Variants in VPS26C observed in about 807,000 individuals in gnomAD.
The protein encoded by VPS26C is VPS26 endosomal protein sorting factor C, also known as vacuolar protein sorting-associated protein 26C.
In VPS26C, 19 loss-of-function variants were observed where a neutral mutation model predicts 30.6. The observed-to-expected ratio is 0.62, with a 90% confidence interval of 0.43 to 0.91. VPS26C has a LOEUF of 0.91. Among genes scored for constraint, VPS26C ranks in the 40% least tolerant of loss-of-function variants. The probability of loss-of-function intolerance (pLI) is 0.00; values close to 1 mark genes in which losing one functional copy is unlikely to be tolerated. For synonymous variants in VPS26C, 132 were observed against 151.5 expected (o/e 0.87, Z 0.95); for missense variants, 318 against 385.1 (o/e 0.83, Z 1.46).
At chr21:37,267,645 G>A, upstream of VPS26C, 1 of 305,784 alleles carries the variant, frequency 3.3e-6, no homozygotes, top group African/African-American at 2.2e-5. Context: ...AGGGAGGAAC[G>A]GCTCTCCCCG....
At chr21:37,234,083 G>GC (rs1289288052) in intron 3 of VPS26C, among the ~76,000 whole-genome samples, 6 of 152,226 alleles carry the variant, frequency 3.9e-5, no homozygotes, top group Non-Finnish European at 8.8e-5. Context: ...GCATAGCACT[G>GC]CCCTGGGCAC....
chr21:37,265,276 C>T (rs9917520), intron 1 of VPS26C, among the ~76,000 whole-genome samples: 51,278 of 152,048 alleles, frequency 0.34, 9,117 homozygotes, highest in East Asian at 0.51. Flanking sequence ...GGGTAAATTT[C>T]GTATTTTAAA....
At chr21:37,248,829 T>C (rs1325222762) in intron 1 of VPS26C, among the ~76,000 whole-genome samples, 1 of 151,496 alleles carries the variant, frequency 6.6e-6, no homozygotes, top group African/African-American at 2.4e-5. Flanking sequence ...CATTTGTAAA[T>C]ACCAGTGCAA....
At chr21:37,264,189 A>G (rs549745333) in intron 1 of VPS26C, among the ~76,000 whole-genome samples, 46 of 152,124 alleles carry the variant, frequency 3.0e-4, no homozygotes, top group Non-Finnish European at 4.3e-4. Flanking sequence ...CATAGCAACC[A>G]TCTATTTGGA....
chr21:37,259,310 C>T (rs745787484), intron 1 of VPS26C, among the ~76,000 whole-genome samples: 2 of 151,362 alleles, frequency 1.3e-5, no homozygotes, highest in Non-Finnish European at 2.9e-5. Context: ...TAAGAAATTA[C>T]GGGCATGCCC....
intron 3 of VPS26C, among the ~76,000 whole-genome samples, chr21:37,236,870 G>C (rs2086030586): frequency 6.6e-6 from 1 of 152,198 alleles, no homozygotes; most frequent in African/African-American, 2.4e-5. Flanking sequence ...CCCACCACCT[G>C]TTAACTCTCC....
At position 37,267,284 on chromosome 21, in the gene VPS26C, G is replaced by A; in HGVS notation, c.11C>T (p.Ala4Val). 6.2e-7 allele frequency: 1 copy of A among 1,612,524 alleles called. No individual in the cohort carries two copies. The highest frequency in any genetic ancestry group is 8.5e-7 in the Non-Finnish European group (1 of 1,179,428). The change falls in exon 1 of 8, where the codon GCC becomes GTC. Residue 4 changes from alanine to valine, a missense_variant. Transcript: ENST00000309117. ...CGCTCTTTTAATCTTGATGTCCAGG[G>A]CGGTCCCCATCTCCAATTCTCCGCA... MGT[A>V]LDIKIKRANK... is the part of the protein sequence containing the mutation.
intron 3 of VPS26C, among the ~76,000 whole-genome samples, chr21:37,236,979 C>T (rs1351374827): frequency 1.3e-5 from 2 of 152,192 alleles, no homozygotes; most frequent in Non-Finnish European, 2.9e-5. Context: ...TGAGATCTTG[C>T]GTTGTTGCCC....
At chr21:37,235,561 C>T (rs1030099464) in intron 3 of VPS26C, among the ~76,000 whole-genome samples, 2 of 152,152 alleles carry the variant, frequency 1.3e-5, no homozygotes, top group Non-Finnish European at 2.9e-5. Flanking sequence ...ATAGGATAAA[C>T]GCTTGCTAGC....
At chr21:37,252,533 G>T (rs2086203908) in intron 1 of VPS26C, among the ~76,000 whole-genome samples, 1 of 152,100 alleles carries the variant, frequency 6.6e-6, no homozygotes. Flanking sequence ...TCCTGGTACA[G>T]AAACAAACAA....
intron 1 of VPS26C, among the ~76,000 whole-genome samples, chr21:37,264,378 CTG>C (rs1363028608): frequency 6.6e-6 from 1 of 152,202 alleles, no homozygotes; most frequent in Admixed American, 6.5e-5. Context: ...GTCTTCAACT[CTG>C]TGACCCGCAG....
chr21:37,247,633 A>G (rs1279081344), intron 1 of VPS26C, among the ~76,000 whole-genome samples: 1 of 152,236 alleles, frequency 6.6e-6, no homozygotes, highest in Non-Finnish European at 1.5e-5. Flanking sequence ...GAGCCAAATT[A>G]ATGCCTATTC....
At chr21:37,229,536 A>C (rs2085940279) in intron 5 of VPS26C, 1 of 152,238 alleles carries the variant, frequency 6.6e-6, no homozygotes, top group Non-Finnish European at 1.5e-5. Context: ...CCACATATAT[A>C]ATTTGGAATT....
intron 2 of VPS26C, 76 bp from the exon 3 acceptor site, chr21:37,238,685 G>A (rs1379751008): frequency 2.6e-6 from 4 of 1,557,028 alleles, no homozygotes; most frequent in Non-Finnish European, 3.5e-6. Context: ...ACGTTCTGAA[G>A]GACACAGCAC....
At chr21:37,236,516 G>T (rs960650140) in intron 3 of VPS26C, among the ~76,000 whole-genome samples, 1 of 152,192 alleles carries the variant, frequency 6.6e-6, no homozygotes, top group Non-Finnish European at 1.5e-5. Context: ...AATGTTAACT[G>T]TAATTATAGA....
chr21:37,230,130 G>T (rs2085946349), intron 5 of VPS26C, among the ~76,000 whole-genome samples: 1 of 152,232 alleles, frequency 6.6e-6, no homozygotes, highest in South Asian at 2.1e-4. Context: ...GCCTCCCAAA[G>T]TGGTGGGATT....
In VPS26C at chr21:37,232,396, G is replaced by A; in HGVS notation, c.488C>T (p.Thr163Ile). The A allele has an allele frequency of 6.2e-7, 1 of 1,614,192 alleles. No individual in the cohort carries two copies. ...SPVDFTITPE[T>I]LQNVKERALL... ...TCTTACCTCTTTGACGTTCTGTAAG[G>A]TTTCAGGTGTAATCGTGAAGTCCAC... The change falls in exon 5 of 8, where the codon ACC (threonine) becomes ATC (isoleucine). Residue 163 changes from threonine to isoleucine, a missense_variant. Coordinates refer to ENST00000309117, the MANE Select transcript of VPS26C (RefSeq NM_006052.2).
At position 37,233,393 on chromosome 21, in the gene VPS26C, G is replaced by A. The variant is rs145630556; in HGVS notation, c.401C>T (p.Thr134Ile). The change falls in exon 4 of 8, where the codon ACA (threonine) becomes ATA (isoleucine). Residue 134 changes from threonine to isoleucine, a missense_variant. Thr to Ile is a moderately conservative substitution (Grantham distance 89). Transcript: ENST00000309117. The surrounding 1 kb of genome is among the most constrained non-coding windows in gnomAD (Gnocchi z 5.2). ...GTGAACGATAAATTCACAGGTCTTT[G>A]TCAAGTCCTTGGCCAACAGAGACCG... Reference protein sequence around the residue: ...MKRSLLAKDLTKTCEFIVHSA... With the variant: ...MKRSLLAKDLIKTCEFIVHSA... 2.7e-4 allele frequency: 439 copies of A among 1,614,146 alleles called. 2 individuals are homozygous for A. The African/African-American group carries it at 5.4e-3, about 20-fold the overall frequency.
chr21:37,238,640 C>T (rs374845295), intron 2 of VPS26C, 31 bp from the exon 3 acceptor site: 2 of 1,610,360 alleles, frequency 1.2e-6, no homozygotes, highest in Non-Finnish European at 1.7e-6. Context: ...AGTCCATCAG[C>T]ACACACTTGG....
Sources: gnomAD v4.1 joint callset for allele counts (sites outside exome capture counted in the v4.1 genomes callset) on GRCh38, gnomAD v4.1.1 for gene constraint, Gnocchi (gnomAD v3.1) non-coding constraint, MANE v1.5 for transcripts, NCBI Gene and HGNC (gene_info 2026-07-23, HGNC 2026-07-21) for gene names.